Variants in TJP1 observed in about 807,000 individuals in gnomAD.
TJP1 encodes tight junction protein 1.
In TJP1, 43 loss-of-function variants were observed where a neutral mutation model predicts 194.2. The ratio of observed to expected loss-of-function variants is 0.22; its 90% CI spans 0.17 to 0.29. TJP1 has a LOEUF of 0.29. Ranked by LOEUF, TJP1 falls within the 10% of genes least tolerant of loss-of-function variation. TJP1 has a pLI of 1.00. For missense variants in TJP1, 1,971 were observed against 2,185.7 expected (o/e 0.90, Z 1.96); for synonymous variants, 801 against 779.0 (o/e 1.03, Z -0.47).
At chr15:29,961,456 C>A (rs2056160683) in intron 1 of TJP1, among the ~76,000 whole-genome samples, 1 of 144,302 alleles carries the variant, frequency 6.9e-6, no homozygotes, top group South Asian at 2.2e-4. Context: ...TCACGCCATT[C>A]TCCTGCCTCA....
At chr15:29,751,399 C>T (rs1475546043) in intron 8 of TJP1, among the ~76,000 whole-genome samples, 6 of 152,162 alleles carry the variant, frequency 3.9e-5, no homozygotes, top group Admixed American at 3.9e-4. Context: ...TGTTTTTAGG[C>T]AATAATTTAG....
chr15:29,898,327 G>A (rs997513939), intron 2 of TJP1, among the ~76,000 whole-genome samples: 2 of 152,102 alleles, frequency 1.3e-5, no homozygotes, highest in African/African-American at 4.8e-5. Context: ...ATGATTGTGA[G>A]GCCTCCCCAG....
At chr15:29,941,867 G>T (rs2055092104) in intron 2 of TJP1, among the ~76,000 whole-genome samples, 1 of 152,152 alleles carries the variant, frequency 6.6e-6, no homozygotes, top group African/African-American at 2.4e-5. Flanking sequence ...AGTCTCAGAT[G>T]AACCTAAAGT....
chr15:29,958,655 G>A (rs894037445), intron 1 of TJP1, among the ~76,000 whole-genome samples: 6 of 151,868 alleles, frequency 4.0e-5, no homozygotes, highest in East Asian at 1.9e-4. Context: ...CATCACACAC[G>A]TATATGTACA....
chr15:29,719,168 A>G, intron 20 of TJP1, 30 bp from the exon 21 acceptor site: 2 of 1,538,852 alleles, frequency 1.3e-6, no homozygotes. Context: ...TTAAGGACAA[A>G]GTCTTGTTTC....
intron 2 of TJP1, among the ~76,000 whole-genome samples, chr15:29,908,880 C>T (rs903845047): frequency 3.9e-5 from 6 of 152,070 alleles, no homozygotes; most frequent in South Asian, 2.1e-4. Flanking sequence ...TTAGGCCGGG[C>T]GCGGTGGCTC....
chr15:29,955,753 T>TAAAAAAAA lies in TJP1; in HGVS notation c.306+471_306+478dup, dbSNP rs563535771. 1.8e-3 allele frequency among the ~76,000 whole-genome samples: 66 copies of TAAAAAAAA among 35,806 alleles called. 3 individuals are homozygous for TAAAAAAAA. The highest frequency in any genetic ancestry group is 3.3e-3 in the East Asian group (3 of 922). 23.5% of individuals were successfully genotyped at this position (35,806 alleles called of 152,430 possible). ...GCAACAGAAGGAGACCCTGGCTCTT[T>TAAAAAAAA]AAAAAAAAAAAAAAAAAAAAAAAAA... On this transcript the variant is annotated intron_variant, in intron 2 of 28. Coordinates refer to the TJP1 transcript ENST00000356107.
At chr15:29,724,994 AC>A (rs1566902059) in intron 18 of TJP1, among the ~76,000 whole-genome samples, 1 of 152,236 alleles carries the variant, frequency 6.6e-6, no homozygotes, top group East Asian at 1.9e-4. Flanking sequence ...ACATTTATAG[AC>A]TACTTTCATT....
At chr15:29,800,317 G>T (rs2151882313) in intron 2 of TJP1, among the ~76,000 whole-genome samples, 1 of 152,256 alleles carries the variant, frequency 6.6e-6, no homozygotes, top group Non-Finnish European at 1.5e-5. Flanking sequence ...TCCCACAATG[G>T]ATGCATATAT....
chr15:29,839,161 G>A (rs558264727), intron 2 of TJP1, among the ~76,000 whole-genome samples: 1 of 151,806 alleles, frequency 6.6e-6, no homozygotes, highest in East Asian at 2.0e-4. Context: ...ACCATGCCCG[G>A]CTAATCTTTT....
At chr15:29,703,658 T>C (rs1290287676) in intron 27 of TJP1, among the ~76,000 whole-genome samples, 1 of 151,984 alleles carries the variant, frequency 6.6e-6, no homozygotes, top group Non-Finnish European at 1.5e-5. Flanking sequence ...AAAAAAAATT[T>C]TTTTGAGACG....
At chr15:29,818,574 G>A (rs568214084) in intron 1 of TJP1, among the ~76,000 whole-genome samples, 3 of 151,848 alleles carry the variant, frequency 2.0e-5, no homozygotes, top group Admixed American at 2.0e-4. Flanking sequence ...GTGCGATCTT[G>A]GCTCAATGCA....
intron 1 of TJP1, among the ~76,000 whole-genome samples, chr15:29,813,596 G>A (rs912283885): frequency 1.3e-5 from 2 of 152,144 alleles, no homozygotes; most frequent in Admixed American, 1.3e-4. Context: ...GCAAAGTTCA[G>A]AGAGTCAAAA....
rs926718762 is a variant in TJP1 at position 29,796,975 on chromosome 15, AATC to A, written c.84+3668_84+3670del. Among the ~76,000 whole-genome samples the A allele has an allele frequency of 3.9e-4, 60 of 152,240 alleles. 1 individual carries two copies. Among genetic ancestry groups the A allele is most frequent in the African/African-American group, 1.3e-3 (53 of 41,556 alleles). On this transcript the variant is annotated intron_variant, in intron 2 of 27. Coordinates refer to ENST00000614355, the MANE Select transcript of TJP1 (RefSeq NM_001330239.4). ...CTGGACATCTGTATGAAAAAAAAAA[AATC>A]TCTCTGCCCGTATCTCATGGCACAA...
chr15:29,945,376 TA>T (rs2055238453), intron 2 of TJP1, among the ~76,000 whole-genome samples: 2 of 152,228 alleles, frequency 1.3e-5, no homozygotes, highest in Admixed American at 1.3e-4. Context: ...GAGAAAGACA[TA>T]GCCAAGTCAG....
chr15:29,869,917 C>T (rs2052449223), intron 2 of TJP1, among the ~76,000 whole-genome samples: 1 of 146,272 alleles, frequency 6.8e-6, no homozygotes, highest in Non-Finnish European at 1.5e-5. Context: ...AGTGATTCTC[C>T]TGCCTCAGCC....
At chr15:29,889,501 G>C (rs1353325927) in intron 2 of TJP1, among the ~76,000 whole-genome samples, 2 of 152,158 alleles carry the variant, frequency 1.3e-5, no homozygotes, top group Non-Finnish European at 2.9e-5. Context: ...CTTATAAATT[G>C]AAAAGGAAAA....
chr15:29,948,129 G>T (rs186482108), intron 2 of TJP1, among the ~76,000 whole-genome samples: 1 of 152,190 alleles, frequency 6.6e-6, no homozygotes, highest in Non-Finnish European at 1.5e-5. Flanking sequence ...GCTGGGCATG[G>T]TGGTGCCCGC....
chr15:29,802,356 A>G (rs2048844112), intron 1 of TJP1, among the ~76,000 whole-genome samples: 1 of 152,156 alleles, frequency 6.6e-6, no homozygotes, highest in Non-Finnish European at 1.5e-5. Flanking sequence ...GATTAATGCC[A>G]TTTTAGAAAG....
Sources: gnomAD v4.1 joint callset for allele counts (sites outside exome capture counted in the v4.1 genomes callset) on GRCh38, gnomAD v4.1.1 for gene constraint, MANE v1.5 for transcripts, NCBI Gene and HGNC (gene_info 2026-07-23, HGNC 2026-07-21) for gene names.